NTNG1: variants seen among roughly 807,000 people sequenced by gnomAD.
NTNG1 encodes the protein netrin-G1.
In NTNG1, 16 loss-of-function variants were observed where a neutral mutation model predicts 54.0. The observed-to-expected ratio is 0.30, with a 90% CI of 0.20 to 0.45. NTNG1 has a LOEUF of 0.45. Among genes scored for constraint, NTNG1 ranks in the 20% least tolerant of loss-of-function variants. The pLI is 1.00. For synonymous variants in NTNG1, 255 were observed against 263.1 expected, an observed-to-expected ratio of 0.97 and a Z score of 0.30; for missense variants, 530 against 678.7, an observed-to-expected ratio of 0.78 and a Z score of 2.43.
intron 3 of NTNG1, among the ~76,000 whole-genome samples, chr1:107,377,381 T>A (rs1671354608): frequency 6.6e-6 from 1 of 152,212 alleles, no homozygotes; most frequent in Non-Finnish European, 1.5e-5. Context: ...AAAGCCCACC[T>A]AATTTCCTGC....
chr1:107,372,649 C>T (rs865817141), intron 3 of NTNG1, among the ~76,000 whole-genome samples: 7 of 151,936 alleles, frequency 4.6e-5, no homozygotes, highest in South Asian at 4.1e-4. Flanking sequence ...TTTAAAAATG[C>T]CAATAAGATC....
chr1:107,380,828 T>TCAAGAA (rs1671599691), intron 3 of NTNG1, among the ~76,000 whole-genome samples: 1 of 152,190 alleles, frequency 6.6e-6, no homozygotes, highest in Non-Finnish European at 1.5e-5. Flanking sequence ...CTCATAGTCC[T>TCAAGAA]GGTTCCTTTC....
At chr1:107,157,018 C>T (rs1655051630) in intron 2 of NTNG1, among the ~76,000 whole-genome samples, 1 of 152,168 alleles carries the variant, frequency 6.6e-6, no homozygotes, top group Non-Finnish European at 1.5e-5. Context: ...AGTAAACACA[C>T]ACTTATCCCC....
intron 2 of NTNG1, among the ~76,000 whole-genome samples, chr1:107,267,147 G>A (rs1379553640): frequency 6.6e-6 from 1 of 152,170 alleles, no homozygotes; most frequent in African/African-American, 2.4e-5. Flanking sequence ...TCCATACTGA[G>A]CCTTCACCTT....
chr1:107,281,123 A>G (rs1346128045), intron 2 of NTNG1, among the ~76,000 whole-genome samples: 1 of 152,060 alleles, frequency 6.6e-6, no homozygotes, highest in Non-Finnish European at 1.5e-5. Flanking sequence ...TGGTGACTGC[A>G]TTTCTGTTGA....
chr1:107,449,827 A>G (rs1676517974), intron 7 of NTNG1, among the ~76,000 whole-genome samples: 1 of 152,034 alleles, frequency 6.6e-6, no homozygotes, highest in Admixed American at 6.6e-5. Flanking sequence ...ATTTTTCTGA[A>G]AAGAACTGAA....
chr1:107,462,493 G>A (rs1318786736), intron 7 of NTNG1, among the ~76,000 whole-genome samples: 1 of 152,166 alleles, frequency 6.6e-6, no homozygotes, highest in African/African-American at 2.4e-5. Flanking sequence ...ATGCCTGATA[G>A]GAGACCAAGT....
chr1:107,340,388 A>G (rs1023284548), intron 3 of NTNG1, among the ~76,000 whole-genome samples: 2 of 152,082 alleles, frequency 1.3e-5, no homozygotes, highest in Non-Finnish European at 2.9e-5. Flanking sequence ...TCAATTTTCA[A>G]TGCTAAGTTA....
At chr1:107,426,927 A>C (rs922978034) in intron 5 of NTNG1, among the ~76,000 whole-genome samples, 1 of 151,652 alleles carries the variant, frequency 6.6e-6, no homozygotes, top group Non-Finnish European at 1.5e-5. Context: ...TAGGTATTTT[A>C]TTTTATTTTG....
chr1:107,233,271 T>C (rs990660603), intron 2 of NTNG1, among the ~76,000 whole-genome samples: 3 of 152,238 alleles, frequency 2.0e-5, no homozygotes, highest in Non-Finnish European at 4.4e-5. Flanking sequence ...TTCACATTTC[T>C]CTACTTATTG....
chr1:107,427,782 A>G (rs1245923098), intron 5 of NTNG1, among the ~76,000 whole-genome samples: 1 of 152,128 alleles, frequency 6.6e-6, no homozygotes, highest in Non-Finnish European at 1.5e-5. Context: ...ATAAATTTAT[A>G]CTATTGCATG....
chr1:107,165,965 G>T (rs1284229823), intron 2 of NTNG1, among the ~76,000 whole-genome samples: 1 of 152,170 alleles, frequency 6.6e-6, no homozygotes, highest in African/African-American at 2.4e-5. Context: ...GAAATTCCTT[G>T]CTCTGTAGAG....
intron 2 of NTNG1, among the ~76,000 whole-genome samples, chr1:107,185,755 G>T (rs1657410287): frequency 6.6e-6 from 1 of 152,088 alleles, no homozygotes; most frequent in Non-Finnish European, 1.5e-5. Context: ...ACTTCCAGAT[G>T]GGGGACAGCT....
At chr1:107,196,574 G>T (rs965439332) in intron 2 of NTNG1, among the ~76,000 whole-genome samples, 1 of 151,872 alleles carries the variant, frequency 6.6e-6, no homozygotes, top group Non-Finnish European at 1.5e-5. Context: ...ATAGATGTGT[G>T]CCTTTGAAAA....
intron 2 of NTNG1, among the ~76,000 whole-genome samples, chr1:107,200,644 A>T (rs12118766): frequency 0.045 from 6,774 of 151,860 alleles, 150 homozygotes; most frequent in Non-Finnish European, 0.052. Flanking sequence ...AAAATGAAAA[A>T]AATTAGGGTC....
In NTNG1 at chr1:107,480,801, G is replaced by A. The variant is rs773940426; in HGVS notation, c.1581G>A (p.Leu527=). The A allele has an allele frequency of 2.6e-5, 42 of 1,585,206 alleles. No individual in the cohort carries two copies. In the Admixed American group the frequency reaches 2.7e-4, roughly 10 times the overall value. ...ACGGCTCCCCAGCGCTGCTGCTGCT[G>A]ACCACGCTGCTGGGAACCGCCAGCC... is the stretch of plus-strand genomic sequence containing the variant. ...PPHGSPALLL[L]TTLLGTASPL... The change falls in exon 8 of 8, where the codon CTG becomes CTA. Residue 527 remains leucine, a synonymous_variant. Coordinates refer to ENST00000370068, the MANE Select transcript of NTNG1 (RefSeq NM_001113226.3).
At chr1:107,464,603 C>G (rs1224601607) in intron 7 of NTNG1, among the ~76,000 whole-genome samples, 1 of 152,028 alleles carries the variant, frequency 6.6e-6, no homozygotes, top group Non-Finnish European at 1.5e-5. Flanking sequence ...AAGATAAAAC[C>G]AAATGAAGTG....
chr1:107,406,361 A>G (rs1173056757), intron 4 of NTNG1, among the ~76,000 whole-genome samples: 1 of 152,204 alleles, frequency 6.6e-6, no homozygotes, highest in Non-Finnish European at 1.5e-5. Flanking sequence ...TGATGTGAAG[A>G]ACAAGTCTGA....
intron 3 of NTNG1, among the ~76,000 whole-genome samples, chr1:107,380,204 T>C (rs1423261079): frequency 6.6e-6 from 1 of 152,222 alleles, no homozygotes; most frequent in African/African-American, 2.4e-5. Flanking sequence ...TTTTTTTCCA[T>C]CAAATGATTT....
Sources: gnomAD v4.1 joint callset for allele counts (sites outside exome capture counted in the v4.1 genomes callset) on GRCh38, gnomAD v4.1.1 for gene constraint, MANE v1.5 for transcripts, NCBI Gene and HGNC (gene_info 2026-07-23, HGNC 2026-07-21) for gene names.